Variants in GABBR2 observed in about 807,000 individuals in gnomAD.
GABBR2 encodes gamma-aminobutyric acid type B receptor subunit 2.
A neutral mutation model predicts 105.6 loss-of-function variants in GABBR2; 23 were observed. The ratio of observed to expected loss-of-function variants is 0.22; its 90% CI spans 0.16 to 0.31. GABBR2 has a LOEUF of 0.31. Among genes scored for constraint, GABBR2 ranks in the 10% least tolerant of loss-of-function variants. The pLI is 1.00. For synonymous variants in GABBR2, 478 were observed against 499.7 expected (o/e 0.96, Z 0.58); for missense variants, 734 against 1,245.5 (o/e 0.59, Z 6.18).
chr9:98,467,200 G>A (rs941261854), intron 6 of GABBR2, among the ~76,000 whole-genome samples: 4 of 152,144 alleles, frequency 2.6e-5, no homozygotes, highest in South Asian at 2.1e-4. Flanking sequence ...CCAGAGTTGC[G>A]TTATGAACTC....
intron 3 of GABBR2, among the ~76,000 whole-genome samples, chr9:98,527,386 A>C (rs1827982056): frequency 6.6e-6 from 1 of 152,098 alleles, no homozygotes; most frequent in Non-Finnish European, 1.5e-5. Context: ...GATGAAAATA[A>C]AGATGCCATA....
intron 11 of GABBR2, among the ~76,000 whole-genome samples, chr9:98,380,429 C>G (rs1831951548): frequency 6.6e-6 from 1 of 152,228 alleles, no homozygotes; most frequent in South Asian, 2.1e-4. Context: ...AGTGCTTTTT[C>G]TCATCCCCAC....
chr9:98,695,273 G>A (rs2131881710), intron 1 of GABBR2, among the ~76,000 whole-genome samples: 1 of 152,316 alleles, frequency 6.6e-6, no homozygotes. Context: ...GGGCATGGCA[G>A]ACACCAAACA....
At chr9:98,502,408 G>T (rs1456687877) in intron 3 of GABBR2, among the ~76,000 whole-genome samples, 1 of 152,172 alleles carries the variant, frequency 6.6e-6, no homozygotes, top group Non-Finnish European at 1.5e-5. Context: ...CAGAACAGCT[G>T]CCAGAGGACG....
chr9:98,500,601 G>C (rs1449967172), intron 3 of GABBR2, among the ~76,000 whole-genome samples: 1 of 152,220 alleles, frequency 6.6e-6, no homozygotes, highest in African/African-American at 2.4e-5. Flanking sequence ...CCTGGCCAAG[G>C]AACAAATCCA....
intron 1 of GABBR2, among the ~76,000 whole-genome samples, chr9:98,695,549 C>T (rs1830738665): frequency 6.6e-6 from 1 of 152,212 alleles, no homozygotes; most frequent in Non-Finnish European, 1.5e-5. Flanking sequence ...CTCAAACACA[C>T]AGTCCCCCAC....
chr9:98,330,844 G>A (rs558385585), intron 13 of GABBR2, among the ~76,000 whole-genome samples: 3 of 152,012 alleles, frequency 2.0e-5, no homozygotes, highest in Non-Finnish European at 4.4e-5. Context: ...CAATTAGCAC[G>A]GCTATCTCAT....
At chr9:98,465,143 A>AG (rs1346556635) in intron 6 of GABBR2, among the ~76,000 whole-genome samples, 2 of 149,322 alleles carry the variant, frequency 1.3e-5, no homozygotes, top group Non-Finnish European at 3.0e-5. Flanking sequence ...AAAAAAAAAA[A>AG]AAAAGAAAAA....
At chr9:98,419,780 T>C (rs899300109) in intron 7 of GABBR2, among the ~76,000 whole-genome samples, 3 of 152,030 alleles carry the variant, frequency 2.0e-5, no homozygotes, top group Non-Finnish European at 2.9e-5. Flanking sequence ...GGTGTAGAAA[T>C]AGAGGAGGAG....
At chr9:98,703,071 T>C (rs942568171) in intron 1 of GABBR2, among the ~76,000 whole-genome samples, 1 of 152,098 alleles carries the variant, frequency 6.6e-6, no homozygotes, top group African/African-American at 2.4e-5. Flanking sequence ...TTCAAGCCAA[T>C]GAGATATAAA....
chr9:98,362,071 C>G (rs1831595515), intron 13 of GABBR2, among the ~76,000 whole-genome samples: 7 of 152,164 alleles, frequency 4.6e-5, no homozygotes, highest in Admixed American at 4.6e-4. Flanking sequence ...TAGCACACCC[C>G]ACTGCAGCTC....
intron 13 of GABBR2, among the ~76,000 whole-genome samples, chr9:98,333,245 C>A (rs981073653): frequency 2.0e-5 from 3 of 152,220 alleles, no homozygotes; most frequent in African/African-American, 7.2e-5. Flanking sequence ...CTCCCCAAAG[C>A]TCAGTAAAGT....
chr9:98,497,668 G>A (rs1295733663), intron 3 of GABBR2, among the ~76,000 whole-genome samples: 1 of 152,172 alleles, frequency 6.6e-6, no homozygotes, highest in Non-Finnish European at 1.5e-5. Flanking sequence ...TCCGCTTTAG[G>A]AGATGCTTAA....
At chr9:98,598,646 T>C (rs894074249) in intron 1 of GABBR2, among the ~76,000 whole-genome samples, 1 of 12,038 alleles carries the variant, frequency 8.3e-5, no homozygotes. Context: ...TTGGGGCGGG[T>C]GGGGTGGGAC....
intron 7 of GABBR2, among the ~76,000 whole-genome samples, chr9:98,415,880 GAGA>G (rs1198346613): frequency 3.3e-5 from 5 of 152,148 alleles, no homozygotes; most frequent in Admixed American, 1.3e-4. Context: ...TCCTGTTTGC[GAGA>G]AGGAGTCATT....
At chr9:98,319,610 C>T (rs1830784149) in intron 13 of GABBR2, among the ~76,000 whole-genome samples, 1 of 152,064 alleles carries the variant, frequency 6.6e-6, no homozygotes, top group Non-Finnish European at 1.5e-5. Flanking sequence ...GTGCACAGAA[C>T]CCCTGGACCC....
At chr9:98,590,415 T>A (rs1161568348) in intron 1 of GABBR2, among the ~76,000 whole-genome samples, 2 of 152,198 alleles carry the variant, frequency 1.3e-5, no homozygotes, top group Non-Finnish European at 2.9e-5. Context: ...ATAGCACACA[T>A]CTCTCCTCTG....
At chr9:98,338,716 C>T (rs1438235763) in intron 13 of GABBR2, among the ~76,000 whole-genome samples, 4 of 152,100 alleles carry the variant, frequency 2.6e-5, no homozygotes, top group Non-Finnish European at 5.9e-5. Context: ...AAAAATTGGC[C>T]GTTCCTAAAA....
At chr9:98,704,771 C>A (rs1301089479) in intron 1 of GABBR2, among the ~76,000 whole-genome samples, 1 of 151,708 alleles carries the variant, frequency 6.6e-6, no homozygotes, top group Non-Finnish European at 1.5e-5. Context: ...AAAAAAATAT[C>A]TTTAACTCAT....
Sources: allele counts gnomAD v4.1 joint callset (sites outside exome capture counted in the v4.1 genomes callset), GRCh38; gene constraint gnomAD v4.1.1; transcripts MANE v1.5; gene names NCBI Gene and HGNC (gene_info 2026-07-23, HGNC 2026-07-21).